STAB1: variants seen among roughly 807,000 people sequenced by gnomAD.
STAB1 encodes stabilin 1.
STAB1 carries 250 observed loss-of-function variants against 332.4 expected under a neutral mutation model. The observed-to-expected ratio is 0.75, with a 90% CI of 0.68 to 0.84. The LOEUF is 0.84. STAB1 is among the 40% of genes least tolerant of loss of function. The pLI, the probability that STAB1 is intolerant of heterozygous loss-of-function variation, is 0.00. For synonymous variants in STAB1, 1,475 were observed against 1,390.4 expected (o/e 1.06, Z -1.35); for missense variants, 3,249 against 3,489.7 (o/e 0.93, Z 1.74).
chr3:52,518,978 C>G, intron 48 of STAB1, 109 bp downstream of exon 48: 1 of 1,304,698 alleles, frequency 7.7e-7, no homozygotes, highest in East Asian at 2.6e-5. Context: ...CCTCCCCTAG[C>G]CAGGGGGCGC....
chr3:52,523,839 G>A lies in STAB1; in HGVS notation c.7396-32G>A, dbSNP rs112887645. The A allele has an allele frequency of 2.0e-4, 316 of 1,585,222 alleles. 3 individuals are homozygous for A. Among genetic ancestry groups the A allele is most frequent in the African/African-American group, 6.7e-4 (50 of 74,678 alleles). Reference sequence around the variant, plus strand: ...CGGGGAAGGTGGTGGGACAGCTCCCGCCAGGTCAACACTCTCCCTGTTTGT... The same window carrying A: ...CGGGGAAGGTGGTGGGACAGCTCCCACCAGGTCAACACTCTCCCTGTTTGT... On this transcript the variant is annotated intron_variant, in intron 66 of 68. Transcript: ENST00000321725.
intron 7 of STAB1, 31 bp from the exon 8 acceptor site, chr3:52,503,313 G>A (rs1708590288): frequency 6.3e-7 from 1 of 1,582,466 alleles, no homozygotes; most frequent in Non-Finnish European, 8.6e-7. Context: ...TGGGTGCTTG[G>A]CTCACTTGGG....
chr3:52,523,177 C>A (rs1256048826), intron 63 of STAB1, 43 bp downstream of exon 63: 1 of 1,611,916 alleles, frequency 6.2e-7, no homozygotes, highest in South Asian at 1.1e-5. Flanking sequence ...GCTGGGATCC[C>A]CGAGGAGGGA....
chr3:52,508,267 T>C lies in STAB1; in HGVS notation c.2149-6T>C. 6.2e-7 allele frequency: 1 copy of C among 1,610,252 alleles called. No homozygotes were observed. The highest frequency in any genetic ancestry group is 8.5e-7 in the Non-Finnish European group (1 of 1,177,264). ...TGGCCTCTTGGACCTGTTCTGTCTC[T>C]TATAGGAACAAGGCTGCTGCAAAGG... is the stretch of plus-strand genomic sequence containing the variant. On this transcript the variant is annotated splice_polypyrimidine_tract_variant and splice_region_variant and intron_variant, in intron 20 of 68. Transcript: ENST00000321725.
At chr3:52,519,123 C>A in intron 48 of STAB1, 141 bp from the exon 49 acceptor site, 1 of 1,213,236 alleles carries the variant, frequency 8.2e-7, no homozygotes, top group Non-Finnish European at 1.2e-6. Context: ...CCCCAGACCC[C>A]GCCCACCTCG....
At position 52,523,507 on chromosome 3, in the gene STAB1, T is replaced by C; in HGVS notation, c.7221T>C (p.Leu2407=). The C allele has an allele frequency of 1.2e-6, 2 of 1,612,746 alleles. No homozygotes were observed. The highest frequency in any genetic ancestry group is 1.7e-6 in the Non-Finnish European group (2 of 1,179,858). ...CCAACGCCAGCCAGGGGAAGTTGCT[T>C]CCGGCCCACTCAGGCCTCAGCCTCA... is the stretch of plus-strand genomic sequence containing the variant. ...LSANASQGKL[L]PAHSGLSLII... The change falls in exon 65 of 69, where the codon CTT becomes CTC. Residue 2407 remains leucine (L), a synonymous_variant. Transcript: ENST00000321725.
chr3:52,517,059 G>C lies in STAB1; in HGVS notation c.4439G>C (p.Arg1480Pro), dbSNP rs144391932. 14 of 1,599,214 alleles carry C rather than the reference G, an allele frequency of 8.8e-6. No individual in the cohort carries two copies. Among genetic ancestry groups the C allele is most frequent in the Non-Finnish European group, 1.2e-5 (14 of 1,172,482 alleles). Residue 1480 changes from arginine (R) to proline (P), a missense_variant, in exon 42 of 69, where the codon CGG becomes CCG. By Grantham distance (103) the Arg-to-Pro change is moderately radical (BLOSUM62 -2). Transcript: ENST00000321725. ...TGTACCAAGGTGGCACCTGGGCAGC[G>C]GACATGCACCTGCCAGGATGGCTAC... ...ANCTKVAPGQRTCTCQDGYMG... is the reference protein window; with the variant it reads ...ANCTKVAPGQPTCTCQDGYMG...
chr3:52,511,883 A>G (rs1709324908), intron 26 of STAB1, 138 bp downstream of exon 26: 4 of 718,322 alleles, frequency 5.6e-6, no homozygotes, highest in Non-Finnish European at 6.6e-6. Context: ...TTCAAATCCA[A>G]CCATGTCACT....
intron 7 of STAB1, 79 bp from the exon 8 acceptor site, chr3:52,503,265 G>C: frequency 3.9e-6 from 6 of 1,530,358 alleles, no homozygotes; most frequent in Non-Finnish European, 5.3e-6. Context: ...TGCTGGCCCC[G>C]GCCTTCCTGG....
At position 52,517,373 on chromosome 3, in the gene STAB1, A is replaced by G. The variant is rs761344174; in HGVS notation, c.4543A>G (p.Ile1515Val). The G allele has an allele frequency of 2.5e-6, 4 of 1,605,380 alleles. No homozygotes were observed. The highest frequency in any genetic ancestry group is 3.4e-6 in the Non-Finnish European group (4 of 1,176,384). The change falls in exon 43 of 69, where the codon ATC (isoleucine) becomes GTC (valine). Residue 1515 changes from isoleucine (I) to valine (V), a missense_variant. Coordinates refer to ENST00000321725, the MANE Select transcript of STAB1 (RefSeq NM_015136.3). ...HGGCHIHAEC[I>V]PTGPQQVSCS... ...GGGCTGCCACATTCACGCCGAGTGC[A>G]TCCCCACTGGCCCCCAGCAGGTCAG...
Position 52,504,796 on chromosome 3 carries a change from G to A in STAB1, c.1297G>A (p.Glu433Lys). The change falls in exon 12 of 69, where the codon GAG becomes AAG. Residue 433 changes from glutamate (E) to lysine (K), a missense_variant. Transcript: ENST00000321725. ...CATCATCGCAGGGCAGCACATCCTG[G>A]AGGACACAAGGACCCAACAAACACG... is the stretch of plus-strand genomic sequence containing the variant. ...QHIIAGQHILEDTRTQQTRRW... is the reference protein window; with the variant it reads ...QHIIAGQHILKDTRTQQTRRW... 6.2e-7 allele frequency: 1 copy of A among 1,613,934 alleles called. No homozygotes were observed. Among genetic ancestry groups the A allele is most frequent in the East Asian group, 2.2e-5 (1 of 44,884 alleles).
rs1485957393 is a variant in STAB1, at chr3:52,522,093, C to T, written c.6328C>T (p.Gln2110Ter). Residue 2110 changes from glutamine (Q) to a stop codon, truncating the protein, a stop_gained, in exon 59 of 69, where the codon CAG (glutamine) becomes TAG (stop). Coordinates refer to ENST00000321725, the MANE Select transcript of STAB1 (RefSeq NM_015136.3). LOFTEE classifies it high-confidence loss of function. ...CTGCAGTGAGCACGCCAACTGTAGC[C>T]AGGTAGGAACAATGGTCACTTGTAC... ...GGCSEHANCS[Q>*]VGTMVTCTCL... The T allele has an allele frequency of 6.2e-6, 10 of 1,613,096 alleles. No homozygotes were observed. The highest frequency in any genetic ancestry group is 2.2e-5 in the East Asian group (1 of 44,874).
At chr3:52,509,723 T>C (rs927767997) in intron 22 of STAB1, 147 bp from the exon 23 acceptor site, 3 of 786,198 alleles carry the variant, frequency 3.8e-6, no homozygotes, top group Admixed American at 2.6e-5. Context: ...GCCTGCCCAT[T>C]GAGTCTGAGA....
rs1205487902 is a variant in STAB1, at chr3:52,521,610, G to C, written c.6073G>C (p.Val2025Leu). 1 of 1,613,034 alleles carries C rather than the reference G, an allele frequency of 6.2e-7. No individual in the cohort carries two copies. The highest frequency in any genetic ancestry group is 1.7e-5 in the Admixed American group (1 of 59,956). The change falls in exon 57 of 69, where the codon GTG (valine) becomes CTG (leucine). Residue 2025 changes from valine (V) to leucine (L), a missense_variant. By Grantham distance (32) the Val-to-Leu change is conservative. Coordinates refer to ENST00000321725, the MANE Select transcript of STAB1 (RefSeq NM_015136.3). ...GPHCQACRCT[V>L]HGRCDEGLGG... is the part of the protein sequence containing the mutation. Reference sequence around the variant, plus strand: ...CCTCTCCCCAGCCTGCCGCTGCACTGTGCATGGCCGCTGTGATGAGGGCCT... The same window carrying C: ...CCTCTCCCCAGCCTGCCGCTGCACTCTGCATGGCCGCTGTGATGAGGGCCT...
At chr3:52,516,483 G>A (rs2078868961) in intron 39 of STAB1, 32 bp downstream of exon 39, 1 of 1,613,496 alleles carries the variant, frequency 6.2e-7, no homozygotes, top group East Asian at 2.2e-5. Flanking sequence ...GGGGGCAGGT[G>A]GCTACTGAGG....
rs779918796 is a variant in STAB1, at chr3:52,514,365, G to A, written c.3547G>A (p.Asp1183Asn). The change falls in exon 34 of 69, where the codon GAC becomes AAC. Residue 1183 changes from aspartate (D) to asparagine (N), a missense_variant and splice_region_variant. Transcript: ENST00000321725. ...CCTGGGTTCTCTCCTTCTCTTCCAG[G>A]ACGCAGACACAGTGCGGCACCATGT... is the stretch of plus-strand genomic sequence containing the variant. ...LEAQGNSSHL[D>N]ADTVRHHVVL... The A allele has an allele frequency of 1.3e-6, 2 of 1,544,670 alleles. No homozygotes were observed. The highest frequency in any genetic ancestry group is 1.7e-6 in the Non-Finnish European group (2 of 1,143,070).
At chr3:52,502,560 G>GC (rs762055847) in intron 5 of STAB1, 72 bp from the exon 6 acceptor site, 1 of 1,346,028 alleles carries the variant, frequency 7.4e-7, no homozygotes, top group East Asian at 2.3e-5. Flanking sequence ...AATACAGAGA[G>GC]CAGGGACCCG....
At position 52,502,632 on chromosome 3, in the gene STAB1, T is replaced by C. The variant is rs1310526675; in HGVS notation, c.488T>C (p.Val163Ala). 3.7e-5 allele frequency: 60 copies of C among 1,608,956 alleles called. No homozygotes were observed. Among genetic ancestry groups the C allele is most frequent in the Non-Finnish European group, 4.9e-5 (58 of 1,176,014 alleles). Residue 163 changes from valine (V) to alanine (A), a missense_variant and splice_region_variant, in exon 6 of 69, where the codon GTG becomes GCG. Physicochemically the swap from Val to Ala is moderately conservative, Grantham distance 64. Transcript: ENST00000321725. ...ATCTGTCTCTGTGTGTCCCTCCCAG[T>C]GTGCAGCTGTGTGCACGGAGTGTGC... ...PNRFGPDCQS[V>A]CSCVHGVCNH...
rs1315956392 is a variant in STAB1 at position 52,513,199 on chromosome 3, C to T, written c.3228C>T (p.Thr1076=). 2 of 1,585,980 alleles carry T rather than the reference C, an allele frequency of 1.3e-6. No individual in the cohort carries two copies. Among genetic ancestry groups the T allele is most frequent in the Non-Finnish European group, 1.7e-6 (2 of 1,167,006 alleles). The change falls in exon 30 of 69, where the codon ACC becomes ACT. Residue 1076 remains threonine (T), a synonymous_variant. Coordinates refer to ENST00000321725, the MANE Select transcript of STAB1 (RefSeq NM_015136.3). ...GGCTGGGTGGGCAGGAAGTGGCCAC[C>T]CTGAACCCCACCACACGCTGGGAGA... The part of the protein sequence containing the change: ...LARLGGQEVA[T]LNPTTRWEIR...
Sources: allele counts gnomAD v4.1 joint callset, GRCh38; gene constraint gnomAD v4.1.1; transcripts MANE v1.5; gene names NCBI Gene and HGNC (gene_info 2026-07-23, HGNC 2026-07-21).